Variants in ARRB1 observed in about 807,000 individuals in gnomAD.
The protein encoded by ARRB1 is beta-arrestin-1.
Under a neutral mutation model 56.8 loss-of-function variants are expected in ARRB1, and 21 were observed. The observed-to-expected ratio is 0.37, with a 90% confidence interval of 0.26 to 0.53. The LOEUF (loss-of-function observed/expected upper bound fraction) is 0.53, where lower values mean the gene tolerates loss of function less well. ARRB1 is among the 20% of genes least tolerant of loss of function. ARRB1 has a pLI of 0.88. For synonymous variants in ARRB1, 210 were observed against 218.6 expected, an observed-to-expected ratio of 0.96 and a Z score of 0.35; for missense variants, 424 against 553.7, an observed-to-expected ratio of 0.77 and a Z score of 2.35.
At chr11:75,281,706 G>A in intron 6 of ARRB1, 1 of 516,870 alleles carries the variant, frequency 1.9e-6, no homozygotes, top group South Asian at 2.5e-5. Context: ...AGAACACTTT[G>A]GTCCTGTTGC....
At chr11:75,302,588 C>G (rs954977109) in intron 1 of ARRB1, among the ~76,000 whole-genome samples, 1 of 152,202 alleles carries the variant, frequency 6.6e-6, no homozygotes, top group African/African-American at 2.4e-5. Flanking sequence ...GAGGCTGAAG[C>G]AGACAGTCCC....
intron 4 of ARRB1, 32 bp downstream of exon 4, chr11:75,284,203 T>G: frequency 6.3e-7 from 1 of 1,589,320 alleles, no homozygotes; most frequent in Non-Finnish European, 8.6e-7. Context: ...GAGGCGGCCC[T>G]TGACAGGCTG....
At chr11:75,300,825 G>A (rs536836717) in intron 1 of ARRB1, among the ~76,000 whole-genome samples, 6 of 151,244 alleles carry the variant, frequency 4.0e-5, no homozygotes, top group African/African-American at 1.2e-4. Context: ...AAAATTAGCC[G>A]GGCGTGGTGG....
chr11:75,267,614 G>T, intron 15 of ARRB1, 38 bp downstream of exon 15: 1 of 1,325,140 alleles, frequency 7.5e-7, no homozygotes. Context: ...CCCACCCGCG[G>T]CCCACCCCCG....
At chr11:75,326,056 CA>C (rs1395833026) in intron 1 of ARRB1, among the ~76,000 whole-genome samples, 1 of 152,214 alleles carries the variant, frequency 6.6e-6, no homozygotes, top group Non-Finnish European at 1.5e-5. Flanking sequence ...CCTAGGGCAC[CA>C]GCTCCCAAGC....
rs1458189747 is a variant in ARRB1, at chr11:75,284,284, G to A, written c.113-5C>T. ...GATCCACCAGGACCACACCATCTGGGGAAAGGACAGAGAGTAAGCGGCCTC... is the reference window on the plus strand; with the variant it reads ...GATCCACCAGGACCACACCATCTGGAGAAAGGACAGAGAGTAAGCGGCCTC... On this transcript the variant is annotated splice_polypyrimidine_tract_variant and splice_region_variant and intron_variant, in intron 3 of 15. Coordinates refer to ENST00000420843, the MANE Select transcript of ARRB1 (RefSeq NM_004041.5). 3 of 1,607,122 alleles carry A rather than the reference G, an allele frequency of 1.9e-6. No homozygotes were observed. The highest frequency in any genetic ancestry group is 2.6e-6 in the Non-Finnish European group (3 of 1,175,332).
chr11:75,286,649 C>T (rs1194534833), intron 3 of ARRB1, among the ~76,000 whole-genome samples: 1 of 152,200 alleles, frequency 6.6e-6, no homozygotes, highest in Admixed American at 6.5e-5. Flanking sequence ...GCTATCCAGC[C>T]TATAACACAC....
Position 75,283,263 on chromosome 11 carries a change from G to A in ARRB1, c.354+24C>T, listed in dbSNP as rs1363504560. On this transcript the variant is annotated intron_variant, in intron 5 of 15. Coordinates refer to ENST00000420843, the MANE Select transcript of ARRB1 (RefSeq NM_004041.5). ...CTAGAGGTGGCATTTCTGGAATGGG[G>A]CCCCAGGGATGGCAGTTCCTGACCT... is the stretch of plus-strand genomic sequence containing the variant. 3.2e-6 allele frequency: 5 copies of A among 1,570,794 alleles called. No homozygotes were observed. In the East Asian group the frequency reaches 1.1e-4, roughly 35 times the overall value.
chr11:75,309,001 T>G (rs1319998765), intron 1 of ARRB1, among the ~76,000 whole-genome samples: 8 of 152,260 alleles, frequency 5.3e-5, no homozygotes, highest in Non-Finnish European at 1.2e-4. Flanking sequence ...GCCAGTATCC[T>G]CATTTTACAG....
chr11:75,283,175 G>A, intron 5 of ARRB1, 112 bp downstream of exon 5: 1 of 1,156,226 alleles, frequency 8.6e-7, no homozygotes, highest in South Asian at 1.5e-5. Context: ...CATACACTGG[G>A]AAACTGGGTG....
At position 75,268,962 on chromosome 11, in the gene ARRB1, GA is replaced by G; in HGVS notation, c.1023-4del. 6.2e-7 allele frequency: 1 copy of G among 1,609,146 alleles called. No homozygotes were observed. Among genetic ancestry groups the G allele is most frequent in the Non-Finnish European group, 8.5e-7 (1 of 1,178,592 alleles). On this transcript the variant is annotated splice_polypyrimidine_tract_variant and splice_region_variant and intron_variant, in intron 13 of 15. Transcript: ENST00000420843. The stretch of plus-strand genomic sequence containing the variant: ...AGGGCAGTTCCACGGCCACGTCGCT[GA>G]AACAGAGACCCAGACCCAGTGAGCC...
At chr11:75,343,470 T>A (rs1442844527) in intron 1 of ARRB1, among the ~76,000 whole-genome samples, 1 of 152,158 alleles carries the variant, frequency 6.6e-6, no homozygotes, top group East Asian at 1.9e-4. Context: ...CGGTGAGACG[T>A]CATATAAGCG....
intron 1 of ARRB1, among the ~76,000 whole-genome samples, chr11:75,350,113 A>G (rs1947824463): frequency 6.6e-6 from 1 of 152,242 alleles, no homozygotes; most frequent in African/African-American, 2.4e-5. Context: ...GTTGCCTCTG[A>G]GCCTGTTTCC....
intron 1 of ARRB1, among the ~76,000 whole-genome samples, chr11:75,306,943 C>A (rs1376538807): frequency 1.3e-5 from 2 of 152,172 alleles, no homozygotes; most frequent in Non-Finnish European, 2.9e-5. Flanking sequence ...CAGGGGCTCA[C>A]CAGAGTGACC....
chr11:75,334,593 C>G (rs1004246602), intron 1 of ARRB1, among the ~76,000 whole-genome samples: 1 of 152,200 alleles, frequency 6.6e-6, no homozygotes, highest in Non-Finnish European at 1.5e-5. Context: ...CTAGACCAGG[C>G]AGTTTCACCT....
chr11:75,297,944 C>A (rs1392176339), intron 1 of ARRB1, among the ~76,000 whole-genome samples: 6 of 103,006 alleles, frequency 5.8e-5, no homozygotes, highest in African/African-American at 3.6e-4. Flanking sequence ...AAACTCTTAG[C>A]AGAAAACGTT....
intron 1 of ARRB1, among the ~76,000 whole-genome samples, chr11:75,332,362 C>T (rs1947535319): frequency 6.6e-6 from 1 of 152,210 alleles, no homozygotes; most frequent in African/African-American, 2.4e-5. Flanking sequence ...CGTCTGTAAA[C>T]ATAGCTAGAT....
At chr11:75,327,317 A>G (rs1367309358) in intron 1 of ARRB1, among the ~76,000 whole-genome samples, 1 of 150,898 alleles carries the variant, frequency 6.6e-6, no homozygotes, top group Non-Finnish European at 1.5e-5. Context: ...AAAAAAAAAA[A>G]AAAAAAGAAT....
At position 75,277,588 on chromosome 11, in the gene ARRB1, C is replaced by G. The variant is rs1049036620; in HGVS notation, c.619-140G>C. On this transcript the variant is annotated intron_variant, in intron 8 of 15. Coordinates refer to ENST00000420843, the MANE Select transcript of ARRB1 (RefSeq NM_004041.5). ...CTTCAGAAGGGTCTGCTGCTCCCAT[C>G]TGAAGTCCATCACATCCCTCAGGTT... The G allele has an allele frequency of 1.2e-5, 9 of 731,282 alleles. No individual in the cohort carries two copies. In the African/African-American group the frequency reaches 1.2e-4, roughly 10 times the overall value. The allele number at this position is 731,282 out of a possible 1,614,324, so 45.3% of individuals were successfully genotyped here. A position where few individuals can be genotyped will look rare whatever the true frequency, so the allele number is the denominator to read the frequency against.
Sources: gnomAD v4.1 joint callset for allele counts (sites outside exome capture counted in the v4.1 genomes callset) on GRCh38, gnomAD v4.1.1 for gene constraint, MANE v1.5 for transcripts, NCBI Gene and HGNC (gene_info 2026-07-23, HGNC 2026-07-21) for gene names.